Variants in TMPRSS9 observed in about 807,000 individuals in gnomAD.
The protein encoded by TMPRSS9 is transmembrane protease serine 9.
Under a neutral mutation model 111.4 loss-of-function variants are expected in TMPRSS9, and 113 were observed. The ratio of observed to expected loss-of-function variants is 1.01; its 90% CI spans 0.87 to 1.19. TMPRSS9 has a LOEUF of 1.19. TMPRSS9 is among the 50% of genes most tolerant of loss of function. The pLI is 0.00. For missense variants in TMPRSS9, 1,803 were observed against 1,513.1 expected (o/e 1.19, Z -3.18); for synonymous variants, 805 against 659.1 (o/e 1.22, Z -3.39).
intron 2 of TMPRSS9, among the ~76,000 whole-genome samples, chr19:2,398,304 A>G (rs1970752699): frequency 6.7e-6 from 1 of 149,454 alleles, no homozygotes; most frequent in Non-Finnish European, 1.5e-5. Context: ...TCAAAATAAT[A>G]ATAATAATAA....
chr19:2,393,501 C>A (rs990124880), intron 1 of TMPRSS9, among the ~76,000 whole-genome samples: 1 of 152,160 alleles, frequency 6.6e-6, no homozygotes, highest in Non-Finnish European at 1.5e-5. Flanking sequence ...ATGTAACACT[C>A]AGCGTGAGGA....
intron 1 of TMPRSS9, among the ~76,000 whole-genome samples, chr19:2,368,773 A>AGTTTTTTTTTTT: frequency 1.7e-5 from 1 of 60,228 alleles, no homozygotes; most frequent in African/African-American, 7.4e-5. Flanking sequence ...GGATAAACCC[A>AGTTTTTTTTTTT]GTTTTTTTTT....
intron 1 of TMPRSS9, among the ~76,000 whole-genome samples, chr19:2,375,855 G>A (rs1442427395): frequency 6.6e-6 from 1 of 152,174 alleles, no homozygotes; most frequent in Non-Finnish European, 1.5e-5. Flanking sequence ...TGGGGAAACT[G>A]AGGCCTGGAG....
At chr19:2,412,999 G>C (rs1201501401) in intron 9 of TMPRSS9, among the ~76,000 whole-genome samples, 1 of 152,064 alleles carries the variant, frequency 6.6e-6, no homozygotes, top group Non-Finnish European at 1.5e-5. Flanking sequence ...TTCAAGACCA[G>C]CCTGGCCAAC....
chr19:2,389,772 C>A (rs761876780), exon 1 of TMPRSS9: 9 of 1,607,982 alleles, frequency 5.6e-6, no homozygotes, highest in African/African-American at 2.7e-5. Context: ...TCGCTGTCTG[C>A]GTGTCTCTGA....
At chr19:2,401,897 C>T (rs1335927149) in intron 4 of TMPRSS9, 78 bp from the exon 6 acceptor site, 48 of 1,366,074 alleles carry the variant, frequency 3.5e-5, no homozygotes, top group East Asian at 2.9e-4. Flanking sequence ...TGTGAGCCAC[C>T]GCGCCCGGCC....
intron 1 of TMPRSS9, among the ~76,000 whole-genome samples, chr19:2,380,845 C>T (rs1043565579): frequency 6.6e-6 from 1 of 152,104 alleles, no homozygotes; most frequent in Non-Finnish European, 1.5e-5. Context: ...CCTTGACTTC[C>T]TTACTTCTGC....
At chr19:2,388,095 G>C (rs547699239), upstream of TMPRSS9, among the ~76,000 whole-genome samples, 1 of 152,106 alleles carries the variant, frequency 6.6e-6, no homozygotes, top group East Asian at 1.9e-4. Context: ...ACCTCCCTTC[G>C]AAAGCTGGCA....
At chr19:2,396,663 A>C (rs374125823) in exon 2 of TMPRSS9, 1 of 1,608,216 alleles carries the variant, frequency 6.2e-7, no homozygotes, top group African/African-American at 1.3e-5. Flanking sequence ...CCCTGGAGGC[A>C]CTGGTGAGGG....
Position 2,421,923 on chromosome 19 carries a change from TGGGG to T in TMPRSS9, c.2225_2228del (p.Trp742LeufsTer19). ...GTTTTATCTGGCAGGGATCGTGAGC[TGGGG>T]TATTGGCTGCGCTCAGGTTAAGAAG... On this transcript the variant is annotated frameshift_variant, in exon 14 of 18. Coordinates refer to ENST00000648592, the Ensembl canonical transcript of TMPRSS9. LOFTEE classifies it high-confidence loss of function. 6.2e-7 allele frequency: 1 copy of T among 1,613,086 alleles called. No individual in the cohort carries two copies. The highest frequency in any genetic ancestry group is 2.2e-5 in the East Asian group (1 of 44,880).
intron 13 of TMPRSS9, among the ~76,000 whole-genome samples, chr19:2,419,405 T>C (rs1185523502): frequency 1.3e-5 from 2 of 151,724 alleles, no homozygotes; most frequent in Non-Finnish European, 2.9e-5. Flanking sequence ...GGTTTCACTA[T>C]GTTGGCCAGG....
chr19:2,426,136 G>A (rs2145433885), exon 18 of TMPRSS9: 3 of 1,484,354 alleles, frequency 2.0e-6, no homozygotes, highest in African/African-American at 1.9e-5. Context: ...AGCAACAGGA[G>A]CAGCAGGCCA....
At chr19:2,369,669 G>A (rs1970274221) in intron 1 of TMPRSS9, among the ~76,000 whole-genome samples, 1 of 148,790 alleles carries the variant, frequency 6.7e-6, no homozygotes, top group African/African-American at 2.5e-5. Flanking sequence ...AAAGTCCTGG[G>A]CTCAAGCGAT....
rs201559765 is a variant in TMPRSS9, at chr19:2,408,349, C to T, written c.843-7C>T. 1.2e-6 allele frequency: 2 copies of T among 1,610,958 alleles called. No individual in the cohort carries two copies. Among genetic ancestry groups the T allele is most frequent in the Non-Finnish European group, 1.7e-6 (2 of 1,177,820 alleles). On this transcript the variant is annotated splice_polypyrimidine_tract_variant and splice_region_variant and intron_variant, in intron 7 of 17. Coordinates refer to ENST00000648592, the Ensembl canonical transcript of TMPRSS9. ...GGTGGCTTCTGAGCTGGGGTTTGCT[C>T]CTGCAGGTTCCAAGACCCGACGAAG...
chr19:2,423,904 G>C (rs1262356109), intron 14 of TMPRSS9, among the ~76,000 whole-genome samples, 185 bp from the exon 16 acceptor site: 1 of 152,174 alleles, frequency 6.6e-6, no homozygotes, highest in East Asian at 1.9e-4. Context: ...TGTTATTTGA[G>C]AAAAGCCCAA....
At chr19:2,401,166 T>C (rs1006407477) in intron 4 of TMPRSS9, among the ~76,000 whole-genome samples, 58 of 151,808 alleles carry the variant, frequency 3.8e-4, no homozygotes, top group Admixed American at 2.2e-3. Flanking sequence ...CCCAGCTGCT[T>C]GGGACGCTGA....
chr19:2,360,479 G>A (rs1261907892), intron 1 of TMPRSS9, among the ~76,000 whole-genome samples, 119 bp downstream of exon 1: 4 of 152,230 alleles, frequency 2.6e-5, no homozygotes, highest in Admixed American at 1.3e-4. Context: ...GAGGTGGCGT[G>A]GCGGGAGTGT....
chr19:2,408,613 A>G (rs1971023495), exon 8 of TMPRSS9: 2 of 1,611,502 alleles, frequency 1.2e-6, no homozygotes, highest in African/African-American at 1.3e-5. Context: ...GGCTGGGGCT[A>G]CCTCAAGGAG....
upstream of TMPRSS9, chr19:2,389,627 C>T: frequency 2.4e-6 from 2 of 833,848 alleles, no homozygotes; most frequent in Non-Finnish European, 3.6e-6. Context: ...CTCAGCCTCC[C>T]AAAGTGCTGG....
Sources: allele counts gnomAD v4.1 joint callset (sites outside exome capture counted in the v4.1 genomes callset), GRCh38; gene constraint gnomAD v4.1.1; transcripts MANE v1.5; gene names NCBI Gene and HGNC (gene_info 2026-07-23, HGNC 2026-07-21).